ITGA1: variants seen among roughly 807,000 people sequenced by gnomAD.
The protein encoded by ITGA1 is integrin alpha-1.
In ITGA1, 85 loss-of-function variants were observed where a neutral mutation model predicts 145.9. The observed-to-expected ratio is 0.58, with a 90% confidence interval of 0.49 to 0.70. The LOEUF is 0.70. Among genes scored for constraint, ITGA1 ranks in the 30% least tolerant of loss-of-function variants. The pLI, the probability that ITGA1 is intolerant of heterozygous loss-of-function variation, is 0.00. For synonymous variants in ITGA1, 520 were observed against 495.3 expected, an observed-to-expected ratio of 1.05 and a Z score of -0.66; for missense variants, 1,351 against 1,418.7, an observed-to-expected ratio of 0.95 and a Z score of 0.77.
intron 20 of ITGA1, among the ~76,000 whole-genome samples, chr5:52,928,881 G>T (rs1750851391): frequency 1.3e-5 from 2 of 152,142 alleles, no homozygotes; most frequent in African/African-American, 4.8e-5. Flanking sequence ...CATGCTGTTT[G>T]AAACTGGCTT....
At chr5:52,906,055 A>T (rs1043130053) in intron 12 of ITGA1, 147 bp downstream of exon 12, 32 of 637,408 alleles carry the variant, frequency 5.0e-5, no homozygotes, top group Non-Finnish European at 7.4e-5. Context: ...CTTTGGAAGG[A>T]TGTATAGTGT....
intron 2 of ITGA1, among the ~76,000 whole-genome samples, chr5:52,856,119 C>A (rs987634582): frequency 6.6e-6 from 1 of 152,140 alleles, no homozygotes; most frequent in Non-Finnish European, 1.5e-5. Context: ...AGACCTTTTC[C>A]TCCAGAGCCA....
chr5:52,902,956 T>A (rs1750339911), intron 11 of ITGA1: 1 of 152,170 alleles, frequency 6.6e-6, no homozygotes, highest in African/African-American at 2.4e-5. Flanking sequence ...TCTTTTAAAA[T>A]TAGGCTTTAC....
chr5:52,930,812 A>C (rs1015849790), intron 21 of ITGA1, among the ~76,000 whole-genome samples: 1 of 152,170 alleles, frequency 6.6e-6, no homozygotes, highest in Non-Finnish European at 1.5e-5. Flanking sequence ...GGGAGTGTGC[A>C]TTCTATCATA....
rs1751315737 is a variant in ITGA1 at position 52,957,027 on chromosome 5, TA to T, written c.*4577del. 1 of 152,184 alleles carries T rather than the reference TA, an allele frequency of 6.6e-6. No individual in the cohort carries two copies. The highest frequency in any genetic ancestry group is 2.4e-5 in the African/African-American group (1 of 41,448). 9.4% of individuals were successfully genotyped at this position (152,184 alleles called of 1,614,324 possible). On this transcript the variant is annotated 3_prime_UTR_variant, in exon 29 of 29. Transcript: ENST00000282588. Reference sequence around the variant, plus strand: ...TGGAAGCACTGTTGAACAACACTCTTAGGTGGAATAAGAAAATTAGGGTTAA... The same window carrying T: ...TGGAAGCACTGTTGAACAACACTCTTGGTGGAATAAGAAAATTAGGGTTAA...
chr5:52,882,559 G>C (rs1306386690), intron 7 of ITGA1, among the ~76,000 whole-genome samples: 1 of 144,694 alleles, frequency 6.9e-6, no homozygotes, highest in Non-Finnish European at 1.5e-5. Flanking sequence ...ATTATCATTT[G>C]TAATCCTCTC....
At chr5:52,800,291 G>A in intron 1 of ITGA1, 1 of 1,308,718 alleles carries the variant, frequency 7.6e-7, no homozygotes, top group Non-Finnish European at 1.1e-6. Context: ...CTTAGAAACC[G>A]GGCCCCGCCC....
At chr5:52,794,065 A>C (rs1027609041) in intron 1 of ITGA1, among the ~76,000 whole-genome samples, 26 of 151,970 alleles carry the variant, frequency 1.7e-4, no homozygotes, top group Non-Finnish European at 2.9e-4. Context: ...TTAGGAATTC[A>C]CTTTATGTGT....
At chr5:52,949,542 G>A (rs1751187072) in intron 28 of ITGA1, among the ~76,000 whole-genome samples, 1 of 152,166 alleles carries the variant, frequency 6.6e-6, no homozygotes, top group East Asian at 1.9e-4. Context: ...GCTAGTAAAT[G>A]ACTGGATTCA....
At chr5:52,860,038 A>T (rs907647031) in intron 2 of ITGA1, among the ~76,000 whole-genome samples, 5 of 152,212 alleles carry the variant, frequency 3.3e-5, no homozygotes, top group Admixed American at 1.3e-4. Flanking sequence ...TCCTGCACTG[A>T]TATAAATAAT....
At chr5:52,889,797 G>A (rs1750114463) in intron 8 of ITGA1, 1 of 152,012 alleles carries the variant, frequency 6.6e-6, no homozygotes, top group African/African-American at 2.4e-5. Context: ...GCCAGACAAG[G>A]CTATTATTGG....
In ITGA1 at chr5:52,861,500, T is replaced by C; in HGVS notation, c.236T>C (p.Val79Ala). The C allele has an allele frequency of 6.2e-7, 1 of 1,613,974 alleles. No individual in the cohort carries two copies. The highest frequency in any genetic ancestry group is 8.5e-7 in the Non-Finnish European group (1 of 1,179,896). The change falls in exon 3 of 29, where the codon GTC becomes GCC. Residue 79 changes from valine (V) to alanine (A), a missense_variant. Coordinates refer to ENST00000282588, the MANE Select transcript of ITGA1 (RefSeq NM_181501.2). ...CAACCCAAAAACAGAACTGGAGATG[T>C]CTATAAGTGTCCAGTTGGGAGAGGT... Reference protein sequence around the residue: ...VGQPKNRTGDVYKCPVGRGES... With the variant: ...VGQPKNRTGDAYKCPVGRGES...
At chr5:52,911,911 A>G (rs545651707) in intron 14 of ITGA1, among the ~76,000 whole-genome samples, 19 of 137,872 alleles carry the variant, frequency 1.4e-4, no homozygotes, top group African/African-American at 4.8e-4. Context: ...ATATAGATAT[A>G]TATATTATAT....
intron 8 of ITGA1, among the ~76,000 whole-genome samples, chr5:52,888,781 A>G (rs10940277): frequency 0.33 from 50,738 of 152,088 alleles, 8,738 homozygotes; most frequent in Admixed American, 0.43. Context: ...CATTATTCCT[A>G]TAGCTTCATG....
In ITGA1 at chr5:52,879,471, T is replaced by C. The variant is rs1749920217; in HGVS notation, c.625-2402T>C. Among the ~76,000 whole-genome samples, 3 of 152,198 alleles carry C rather than the reference T, an allele frequency of 2.0e-5. No individual in the cohort carries two copies. The South Asian group carries it at 6.2e-4, about 31-fold the overall frequency. ...ATTTTGCTTTTATTTACACTGAACA[T>C]TTATATACCCAAAGACATGTGTATC... On this transcript the variant is annotated intron_variant, in intron 6 of 28. Coordinates refer to ENST00000282588, the MANE Select transcript of ITGA1 (RefSeq NM_181501.2).
intron 27 of ITGA1, 134 bp from the exon 28 acceptor site, chr5:52,947,211 T>C (rs1198959483): frequency 3.4e-6 from 2 of 584,326 alleles, no homozygotes; most frequent in African/African-American, 1.9e-5. Context: ...TTTTCTAATG[T>C]AAATCTAATG....
chr5:52,842,014 GT>G (rs1396623082), intron 1 of ITGA1, among the ~76,000 whole-genome samples: 1 of 152,136 alleles, frequency 6.6e-6, no homozygotes, highest in African/African-American at 2.4e-5. Flanking sequence ...TTCTCAGGTG[GT>G]TCAGGTCGGT....
chr5:52,809,672 A>G (rs7716187), intron 1 of ITGA1, among the ~76,000 whole-genome samples: 39,955 of 151,428 alleles, frequency 0.26, 5,509 homozygotes, highest in Non-Finnish European at 0.3. Context: ...CACCCAGCTA[A>G]TTGTCATATT....
intron 2 of ITGA1, among the ~76,000 whole-genome samples, chr5:52,851,667 T>C (rs1749434026): frequency 6.6e-6 from 1 of 152,202 alleles, no homozygotes; most frequent in Admixed American, 6.6e-5. Flanking sequence ...GAATCTACAC[T>C]GGACTGAACC....
Sources: gnomAD v4.1 joint callset for allele counts (sites outside exome capture counted in the v4.1 genomes callset) on GRCh38, gnomAD v4.1.1 for gene constraint, MANE v1.5 for transcripts, NCBI Gene and HGNC (gene_info 2026-07-23, HGNC 2026-07-21) for gene names.